FAM135B: variants seen among roughly 807,000 people sequenced by gnomAD.
FAM135B encodes the protein protein FAM135B.
A neutral mutation model predicts 127.7 loss-of-function variants in FAM135B; 43 were observed. That is an observed-to-expected ratio of 0.34 (90% CI 0.26 to 0.43). The LOEUF (loss-of-function observed/expected upper bound fraction) is 0.43. FAM135B is among the 20% of genes least tolerant of loss of function. The probability of loss-of-function intolerance (pLI) is 1.00; values close to 1 mark genes in which losing one functional copy is unlikely to be tolerated. For synonymous variants in FAM135B, 670 were observed against 665.1 expected (o/e 1.01, Z -0.11); for missense variants, 1,558 against 1,725.6 (o/e 0.90, Z 1.72).
chr8:138,319,652 C>T (rs1272902172), intron 2 of FAM135B, among the ~76,000 whole-genome samples: 5 of 152,134 alleles, frequency 3.3e-5, no homozygotes, highest in Admixed American at 6.5e-5. Context: ...CAAAAATAGT[C>T]ATCCTTTATT....
intron 7 of FAM135B, among the ~76,000 whole-genome samples, chr8:138,199,349 C>G (rs1269471256): frequency 6.6e-6 from 1 of 152,220 alleles, no homozygotes; most frequent in Non-Finnish European, 1.5e-5. Context: ...AGGTGAGAGA[C>G]TATGAGAAAC....
At chr8:138,245,684 T>C (rs796394063) in intron 6 of FAM135B, among the ~76,000 whole-genome samples, 20 of 152,220 alleles carry the variant, frequency 1.3e-4, no homozygotes, top group African/African-American at 4.6e-4. Flanking sequence ...ATACAGTAAA[T>C]TGGTAACACA....
intron 2 of FAM135B, among the ~76,000 whole-genome samples, chr8:138,351,624 T>C (rs539335791): frequency 2.3e-4 from 35 of 152,132 alleles, no homozygotes; most frequent in African/African-American, 7.5e-4. Context: ...TTTGGATACT[T>C]TGTAACAGCA....
At chr8:138,171,204 C>T (rs1167435496) in intron 11 of FAM135B, among the ~76,000 whole-genome samples, 2 of 152,166 alleles carry the variant, frequency 1.3e-5, no homozygotes, top group African/African-American at 2.4e-5. Context: ...CATGTATATC[C>T]TATGGGTTCT....
At chr8:138,210,219 TA>T (rs1818033974) in intron 7 of FAM135B, among the ~76,000 whole-genome samples, 1 of 152,188 alleles carries the variant, frequency 6.6e-6, no homozygotes, top group South Asian at 2.1e-4. Context: ...CTTAGAGATT[TA>T]AAATTTTATG....
At chr8:138,359,337 T>A (rs970489402) in intron 2 of FAM135B, among the ~76,000 whole-genome samples, 1 of 152,144 alleles carries the variant, frequency 6.6e-6, no homozygotes, top group African/African-American at 2.4e-5. Flanking sequence ...ATAAAAGGAA[T>A]GGATTGGCTT....
intron 11 of FAM135B, among the ~76,000 whole-genome samples, chr8:138,169,977 A>T (rs887833374): frequency 2.6e-5 from 4 of 152,206 alleles, no homozygotes; most frequent in Non-Finnish European, 4.4e-5. Context: ...TAAAGGGTAC[A>T]TAGGAATCAG....
In FAM135B at chr8:138,363,301, A is replaced by G. The variant is rs566960733; in HGVS notation, c.77+4606T>C. Among the ~76,000 whole-genome samples, 3 of 152,104 alleles carry G rather than the reference A, an allele frequency of 2.0e-5. 1 individual carries two copies. The South Asian group carries it at 6.2e-4, about 32-fold the overall frequency. ...GTACCCTACTACCTTCTCTGCCTATATTAATTAATGCCGTAAACTTTCAGA... is the reference window on the plus strand; with the variant it reads ...GTACCCTACTACCTTCTCTGCCTATGTTAATTAATGCCGTAAACTTTCAGA... On this transcript the variant is annotated intron_variant, in intron 2 of 19. Coordinates refer to ENST00000395297, the MANE Select transcript of FAM135B (RefSeq NM_015912.4).
Position 138,132,845 on chromosome 8 carries a change from G to C in FAM135B, c.4016-47C>G. On this transcript the variant is annotated intron_variant, in intron 19 of 19. Transcript: ENST00000395297. This position sits in a 1 kb window ranked among gnomAD's most constrained non-coding sequence, Gnocchi z 4.5. ...CATGAAGCTGGTGCAGAAATTAGCA[G>C]TGGAATCTAGAGAACATCACTAGAT... is the stretch of plus-strand genomic sequence containing the variant. 3 of 1,557,896 alleles carry C rather than the reference G, an allele frequency of 1.9e-6. No homozygotes were observed. The highest frequency in any genetic ancestry group is 2.7e-6 in the Non-Finnish European group (3 of 1,130,018).
chr8:138,168,921 C>G (rs1280696934), intron 11 of FAM135B, among the ~76,000 whole-genome samples: 2 of 152,152 alleles, frequency 1.3e-5, no homozygotes, highest in Non-Finnish European at 2.9e-5. Context: ...CTGTCCATCA[C>G]TCTTGTTGGA....
intron 3 of FAM135B, 110 bp from the exon 4 acceptor site, chr8:138,265,952 C>T (rs1822887189): frequency 1.7e-6 from 2 of 1,148,548 alleles, no homozygotes; most frequent in Non-Finnish European, 2.4e-6. Context: ...AAGCTGCCTT[C>T]CAATTTCCAA....
At chr8:138,292,871 C>G (rs937934841) in intron 3 of FAM135B, among the ~76,000 whole-genome samples, 1 of 151,814 alleles carries the variant, frequency 6.6e-6, no homozygotes, top group Non-Finnish European at 1.5e-5. Flanking sequence ...ATCAAAATAC[C>G]GTCATCTTTC....
At chr8:138,386,249 C>T (rs1262131854) in intron 1 of FAM135B, among the ~76,000 whole-genome samples, 6 of 151,554 alleles carry the variant, frequency 4.0e-5, no homozygotes, top group Admixed American at 3.9e-4. Context: ...AAACAAAAAC[C>T]AACAAACAAA....
intron 12 of FAM135B, among the ~76,000 whole-genome samples, chr8:138,165,781 T>C (rs937400187): frequency 1.3e-5 from 2 of 152,186 alleles, no homozygotes; most frequent in African/African-American, 4.8e-5. Context: ...CTCAGTGTCA[T>C]GTTTTAAACT....
At chr8:138,255,658 G>A (rs947370804) in intron 5 of FAM135B, among the ~76,000 whole-genome samples, 1 of 152,192 alleles carries the variant, frequency 6.6e-6, no homozygotes, top group Non-Finnish European at 1.5e-5. Flanking sequence ...CCCCCAAAGA[G>A]CTAACTGCAA....
chr8:138,239,709 C>T lies in FAM135B; in HGVS notation c.669+3233G>A, dbSNP rs886325357. Reference sequence around the variant, plus strand: ...AAAGACACATGCACATGTATGTTCACTGCGGCACTATTCACAATAGCAAAG... The same window carrying T: ...AAAGACACATGCACATGTATGTTCATTGCGGCACTATTCACAATAGCAAAG... On this transcript the variant is annotated intron_variant, in intron 7 of 19. Coordinates refer to ENST00000395297, the MANE Select transcript of FAM135B (RefSeq NM_015912.4). Among the ~76,000 whole-genome samples the T allele has an allele frequency of 3.2e-4, 49 of 152,242 alleles. 1 individual carries two copies. The highest frequency in any genetic ancestry group is 9.9e-4 in the African/African-American group (41 of 41,552).
At position 138,162,943 on chromosome 8, in the gene FAM135B, C is replaced by T. The variant is rs561334335; in HGVS notation, c.1258+4952G>A. ...AAAAAAAATTTTATCAGATTCATCACAGACAGTTAAGACAGGAAACAGAAA... is the reference window on the plus strand; with the variant it reads ...AAAAAAAATTTTATCAGATTCATCATAGACAGTTAAGACAGGAAACAGAAA... On this transcript the variant is annotated intron_variant, in intron 12 of 19. Transcript: ENST00000395297. 4.3e-4 allele frequency among the ~76,000 whole-genome samples: 65 copies of T among 152,288 alleles called. No individual in the cohort carries two copies. In the South Asian group the frequency reaches 0.013, roughly 31 times the overall value.
intron 7 of FAM135B, among the ~76,000 whole-genome samples, chr8:138,226,481 G>T (rs1395968221): frequency 6.6e-6 from 1 of 152,198 alleles, no homozygotes; most frequent in Non-Finnish European, 1.5e-5. Flanking sequence ...AAGAGTAGGG[G>T]TTGTCCAGGA....
intron 3 of FAM135B, among the ~76,000 whole-genome samples, chr8:138,268,426 C>G (rs1004150380): frequency 9.9e-5 from 15 of 152,094 alleles, no homozygotes; most frequent in African/African-American, 3.4e-4. Context: ...ACCCATTAAG[C>G]CTGGGATAAG....
Sources: gnomAD v4.1 joint callset for allele counts (sites outside exome capture counted in the v4.1 genomes callset) on GRCh38, gnomAD v4.1.1 for gene constraint, Gnocchi (gnomAD v3.1) non-coding constraint, MANE v1.5 for transcripts, NCBI Gene and HGNC (gene_info 2026-07-23, HGNC 2026-07-21) for gene names.